The following ANAPC13 variants were observed in gnomAD, a reference collection of about 807,000 sequenced individuals.
ANAPC13 encodes anaphase-promoting complex subunit 13.
ANAPC13 carries 9 observed loss-of-function variants against 9.6 expected under a neutral mutation model. The ratio of observed to expected loss-of-function variants is 0.94; its 90% CI spans 0.57 to 1.64. ANAPC13 has a LOEUF of 1.64. Among genes scored for constraint, ANAPC13 ranks in the 40% most tolerant of loss-of-function variants. The pLI is 0.00. For synonymous variants in ANAPC13, 30 were observed against 29.7 expected, an observed-to-expected ratio of 1.01 and a Z score of -0.03; for missense variants, 75 against 85.3, an observed-to-expected ratio of 0.88 and a Z score of 0.48.
intron 1 of ANAPC13, 62 bp downstream of exon 1, chr3:134,485,890 C>A: frequency 1.5e-6 from 1 of 687,986 alleles, no homozygotes; most frequent in Non-Finnish European, 1.8e-6. Flanking sequence ...AAGTCCGACA[C>A]TGAGCAACGA....
rs1228485355 is a variant in ANAPC13, at chr3:134,478,091, A to G, written c.*499T>C. On this transcript the variant is annotated 3_prime_UTR_variant, in exon 3 of 3. Coordinates refer to ENST00000354910, the MANE Select transcript of ANAPC13 (RefSeq NM_015391.4). The stretch of plus-strand genomic sequence containing the variant: ...TATCCAAAGTTTGAAAATACCATGA[A>G]GAATCTTAGGAATGCCAGTAACCAG... The G allele has an allele frequency of 6.6e-6, 1 of 152,366 alleles. No homozygotes were observed. Among genetic ancestry groups the G allele is most frequent in the Non-Finnish European group, 1.5e-5 (1 of 68,142 alleles). The allele number at this position is 152,366 out of a possible 1,614,324, so 9.4% of individuals were successfully genotyped here. A position where few individuals can be genotyped will look rare whatever the true frequency, so the allele number is the denominator to read the frequency against.
At chr3:134,480,374 T>C (rs1934709026) in intron 2 of ANAPC13, among the ~76,000 whole-genome samples, 4 of 152,244 alleles carry the variant, frequency 2.6e-5, no homozygotes, top group Non-Finnish European at 5.9e-5. Flanking sequence ...AAATGGCATA[T>C]ATGCCTGGAA....
intron 1 of ANAPC13, among the ~76,000 whole-genome samples, chr3:134,484,249 A>G (rs1934863542): frequency 6.6e-6 from 1 of 152,130 alleles, no homozygotes; most frequent in Admixed American, 6.5e-5. Flanking sequence ...GCATGGTGGC[A>G]GGCGCCTGTA....
chr3:134,480,103 C>A lies in ANAPC13; in HGVS notation c.100-1388G>T, dbSNP rs117147197. Reference sequence around the variant, plus strand: ...ATCACATACATCTTGTTCTACAAGACAGATTCAAACATACTTGAACAGATT... The same window carrying A: ...ATCACATACATCTTGTTCTACAAGAAAGATTCAAACATACTTGAACAGATT... On this transcript the variant is annotated intron_variant, in intron 2 of 2. Transcript: ENST00000354910. Among the ~76,000 whole-genome samples, 15 of 152,244 alleles carry A rather than the reference C, an allele frequency of 9.9e-5. No homozygotes were observed. In the East Asian group the frequency reaches 2.5e-3, roughly 25 times the overall value.
At chr3:134,483,602 T>G (rs189332970) in intron 1 of ANAPC13, among the ~76,000 whole-genome samples, 1 of 152,334 alleles carries the variant, frequency 6.6e-6, no homozygotes, top group South Asian at 2.1e-4. Context: ...TCCTTGACCA[T>G]GGCTGATTCC....
intron 1 of ANAPC13, among the ~76,000 whole-genome samples, chr3:134,485,131 T>A (rs3846055): frequency 0.66 from 101,032 of 152,016 alleles, 34,011 homozygotes; most frequent in East Asian, 0.82. Context: ...CGTCAGCTCT[T>A]GAAGGTCAAC....
chr3:134,485,995 C>T, upstream of ANAPC13: 1 of 839,116 alleles, frequency 1.2e-6, no homozygotes, highest in Non-Finnish European at 1.3e-6. Context: ...TGCCACGCCC[C>T]CCCCCCCTCC....
intron 1 of ANAPC13, chr3:134,485,496 C>T (rs993624557): frequency 6.6e-6 from 1 of 152,264 alleles, no homozygotes; most frequent in Admixed American, 6.5e-5. Flanking sequence ...TCCCTAAGCA[C>T]AGAGCATGGC....
chr3:134,485,946 C>A lies in ANAPC13; in HGVS notation c.-28+6G>T. 1 of 981,608 alleles carries A rather than the reference C, an allele frequency of 1.0e-6. No homozygotes were observed. The highest frequency in any genetic ancestry group is 1.2e-6 in the Non-Finnish European group (1 of 826,800). 60.8% of individuals were successfully genotyped at this position (981,608 alleles called of 1,614,324 possible). A position where few individuals can be genotyped will look rare whatever the true frequency, so the allele number is the denominator to read the frequency against. On this transcript the variant is annotated splice_donor_region_variant and intron_variant, in intron 1 of 2. Coordinates refer to ENST00000354910, the MANE Select transcript of ANAPC13 (RefSeq NM_015391.4). ...AACCTAGGCCGGGGGCGCTGGAAAC[C>A]CTTACCGGCACCCGGCCACCGCGGC...
intron 1 of ANAPC13, among the ~76,000 whole-genome samples, chr3:134,484,660 T>C (rs1157974641): frequency 2.0e-5 from 3 of 152,210 alleles, no homozygotes; most frequent in Non-Finnish European, 4.4e-5. Context: ...GTTTTGGTTA[T>C]ACTTTTGAAG....
chr3:134,478,535 C>A lies in ANAPC13; in HGVS notation c.*55G>T, dbSNP rs2107698555. 1 of 1,572,386 alleles carries A rather than the reference C, an allele frequency of 6.4e-7. No homozygotes were observed. The highest frequency in any genetic ancestry group is 2.0e-5 in the Admixed American group (1 of 51,274). On this transcript the variant is annotated 3_prime_UTR_variant, in exon 3 of 3. Transcript: ENST00000354910. ...GTTTGAATTTGGAGACTGAAACAAA[C>A]CATGCTTTATCTGTGTACTTTGAGA...
intron 2 of ANAPC13, 103 bp downstream of exon 2, chr3:134,482,703 G>C: frequency 1.1e-6 from 1 of 932,722 alleles, no homozygotes; most frequent in Non-Finnish European, 1.7e-6. Flanking sequence ...CCACAGCTTT[G>C]ATTTCTTTGC....
rs1418170449 is a variant in ANAPC13, at chr3:134,478,582, G to C, written c.*8C>G. The C allele has an allele frequency of 6.2e-7, 1 of 1,611,678 alleles. No individual in the cohort carries two copies. The highest frequency in any genetic ancestry group is 1.3e-5 in the African/African-American group (1 of 74,756). The stretch of plus-strand genomic sequence containing the variant: ...GAGAAAATCCATCCACAAGAAAGGA[G>C]CCAAGCGTCAGTTTCCAATGGGGGG... On this transcript the variant is annotated 3_prime_UTR_variant, in exon 3 of 3. Coordinates refer to ENST00000354910, the MANE Select transcript of ANAPC13 (RefSeq NM_015391.4).
At chr3:134,479,555 G>A (rs895400685) in intron 2 of ANAPC13, among the ~76,000 whole-genome samples, 10 of 151,860 alleles carry the variant, frequency 6.6e-5, no homozygotes, top group Admixed American at 5.9e-4. Flanking sequence ...CTCTATGTTG[G>A]TCAGGCTGGT....
At chr3:134,483,080 G>A (rs1934775363) in intron 1 of ANAPC13, 149 bp from the exon 2 acceptor site, 2 of 620,174 alleles carry the variant, frequency 3.2e-6, no homozygotes, top group Non-Finnish European at 5.7e-6. Context: ...TTTGATCACA[G>A]TTCCTCTCTC....
At chr3:134,482,110 A>G (rs562274430) in intron 2 of ANAPC13, among the ~76,000 whole-genome samples, 10 of 152,352 alleles carry the variant, frequency 6.6e-5, no homozygotes, top group Non-Finnish European at 1.0e-4. Flanking sequence ...TATAAATTAT[A>G]TTTTATTCAA....
At chr3:134,483,388 C>G (rs1038382928) in intron 1 of ANAPC13, 5 of 155,932 alleles carry the variant, frequency 3.2e-5, no homozygotes, top group African/African-American at 1.2e-4. Flanking sequence ...AAGGAAACGG[C>G]TTCCTTCCCT....
chr3:134,478,994 C>T (rs551640791), intron 2 of ANAPC13, among the ~76,000 whole-genome samples: 1 of 152,280 alleles, frequency 6.6e-6, no homozygotes, highest in Admixed American at 6.5e-5. Flanking sequence ...CTTTTGGAAG[C>T]CAACTAGGAT....
At chr3:134,482,279 C>A (rs1015475568) in intron 2 of ANAPC13, among the ~76,000 whole-genome samples, 1 of 152,176 alleles carries the variant, frequency 6.6e-6, no homozygotes, top group African/African-American at 2.4e-5. Flanking sequence ...AAACTCCCTG[C>A]AGCAGAGTTT....
Sources: gnomAD v4.1 joint callset for allele counts (sites outside exome capture counted in the v4.1 genomes callset) on GRCh38, gnomAD v4.1.1 for gene constraint, MANE v1.5 for transcripts, NCBI Gene and HGNC (gene_info 2026-07-23, HGNC 2026-07-21) for gene names.